LRRTM4: variants seen among roughly 807,000 people sequenced by gnomAD.
LRRTM4 encodes the protein leucine-rich repeat transmembrane neuronal protein 4.
Under a neutral mutation model 47.6 loss-of-function variants are expected in LRRTM4, and 25 were observed. The observed-to-expected ratio is 0.53, with a 90% CI of 0.38 to 0.73. LRRTM4 has a LOEUF of 0.73. LRRTM4 is among the 30% of genes least tolerant of loss of function. LRRTM4 has a pLI of 0.00. For missense variants in LRRTM4, 638 were observed against 713.4 expected (o/e 0.89, Z 1.20); for synonymous variants, 311 against 269.5 (o/e 1.15, Z -1.51).
At chr2:77,145,906 T>C (rs960195903) in intron 3 of LRRTM4, among the ~76,000 whole-genome samples, 5 of 152,152 alleles carry the variant, frequency 3.3e-5, no homozygotes, top group Non-Finnish European at 7.4e-5. Context: ...TCAAAGATTA[T>C]TATTCTTTCG....
intron 3 of LRRTM4, among the ~76,000 whole-genome samples, chr2:76,931,545 C>G (rs761971044): frequency 6.6e-6 from 1 of 152,112 alleles, no homozygotes; most frequent in Non-Finnish European, 1.5e-5. Flanking sequence ...CCACCACTTT[C>G]ATCACTCAGT....
At chr2:76,989,281 C>T (rs1676919155) in intron 3 of LRRTM4, among the ~76,000 whole-genome samples, 1 of 151,818 alleles carries the variant, frequency 6.6e-6, no homozygotes, top group East Asian at 1.9e-4. Context: ...GTTCAGCTTT[C>T]ATACTTCCCA....
chr2:77,385,741 CTTT>C (rs33978835), intron 3 of LRRTM4, among the ~76,000 whole-genome samples: 1,500 of 82,074 alleles, frequency 0.018, 10 homozygotes, highest in African/African-American at 0.07. Flanking sequence ...GTACATGGTA[CTTT>C]TTTTTTTTTT....
At chr2:77,369,447 A>C (rs1672575787) in intron 3 of LRRTM4, among the ~76,000 whole-genome samples, 1 of 151,732 alleles carries the variant, frequency 6.6e-6, no homozygotes, top group African/African-American at 2.4e-5. Flanking sequence ...TATGTAGGAT[A>C]AATAAGGCAA....
At chr2:76,993,125 A>G (rs1260271439) in intron 3 of LRRTM4, among the ~76,000 whole-genome samples, 1 of 151,896 alleles carries the variant, frequency 6.6e-6, no homozygotes, top group African/African-American at 2.4e-5. Context: ...ATAACTCAAG[A>G]TGGTCTAAAT....
chr2:77,207,275 T>G (rs1674154339), intron 3 of LRRTM4, among the ~76,000 whole-genome samples: 1 of 146,562 alleles, frequency 6.8e-6, no homozygotes, highest in South Asian at 2.1e-4. Flanking sequence ...TACACATATA[T>G]GTATATGTGT....
intron 3 of LRRTM4, among the ~76,000 whole-genome samples, chr2:76,962,123 A>G (rs573189987): frequency 2.6e-4 from 40 of 151,440 alleles, no homozygotes; most frequent in African/African-American, 8.4e-4. Flanking sequence ...GGCTTGGAGT[A>G]GTAAACTATA....
In LRRTM4 at chr2:76,930,110, T is replaced by C. The variant is rs1255189502; in HGVS notation, c.1552-181194A>G. 4.5e-4 allele frequency among the ~76,000 whole-genome samples: 68 copies of C among 152,108 alleles called. 1 individual carries two copies. Among genetic ancestry groups the C allele is most frequent in the Admixed American group, 4.5e-3 (68 of 15,254 alleles). On this transcript the variant is annotated intron_variant, in intron 3 of 3. Transcript: ENST00000409884. Reference sequence around the variant, plus strand: ...AGTTTCAGGCTCTGTGTACTAATGGTGTAATTTCTAACAGCCAATCCACAA... The same window carrying C: ...AGTTTCAGGCTCTGTGTACTAATGGCGTAATTTCTAACAGCCAATCCACAA...
chr2:76,994,837 A>G (rs183391878), intron 3 of LRRTM4, among the ~76,000 whole-genome samples: 3 of 152,106 alleles, frequency 2.0e-5, no homozygotes, highest in Admixed American at 1.3e-4. Context: ...TCACCCTACT[A>G]TCAACAATAA....
At chr2:77,242,179 A>G (rs541056841) in intron 3 of LRRTM4, among the ~76,000 whole-genome samples, 1 of 152,258 alleles carries the variant, frequency 6.6e-6, no homozygotes, top group South Asian at 2.1e-4. Context: ...GTAAAACAAA[A>G]TCATTGGAAT....
intron 3 of LRRTM4, among the ~76,000 whole-genome samples, chr2:77,150,773 A>T (rs1672396052): frequency 6.6e-6 from 1 of 152,132 alleles, no homozygotes; most frequent in African/African-American, 2.4e-5. Flanking sequence ...TGTTTATATT[A>T]TTAAAAATAA....
At chr2:77,368,527 C>G (rs1248469156) in intron 3 of LRRTM4, among the ~76,000 whole-genome samples, 2 of 151,786 alleles carry the variant, frequency 1.3e-5, no homozygotes, top group African/African-American at 4.8e-5. Flanking sequence ...TTCCTATTTA[C>G]AGATGAGGAA....
At chr2:76,823,223 A>T (rs938331504) in intron 3 of LRRTM4, among the ~76,000 whole-genome samples, 1 of 151,410 alleles carries the variant, frequency 6.6e-6, no homozygotes, top group Non-Finnish European at 1.5e-5. Flanking sequence ...TATTTTGAAT[A>T]AAAATTGAAG....
chr2:77,377,708 C>A (rs990792931), intron 3 of LRRTM4, among the ~76,000 whole-genome samples: 1 of 151,886 alleles, frequency 6.6e-6, no homozygotes, highest in Admixed American at 6.6e-5. Flanking sequence ...TTATAAAATC[C>A]TTTTCTGAAT....
intron 3 of LRRTM4, among the ~76,000 whole-genome samples, chr2:76,778,425 C>A (rs1318868584): frequency 8.2e-5 from 12 of 146,406 alleles, no homozygotes; most frequent in Non-Finnish European, 1.6e-4. Flanking sequence ...TTGATTATTG[C>A]CACAATTTCA....
chr2:77,059,106 C>T (rs1346265575), intron 3 of LRRTM4, among the ~76,000 whole-genome samples: 1 of 152,078 alleles, frequency 6.6e-6, no homozygotes, highest in African/African-American at 2.4e-5. Context: ...ATCTGCTAAA[C>T]TTGGCAATGG....
rs541958087 is a variant in LRRTM4 at position 77,287,174 on chromosome 2, C to A, written c.1551+231144G>T. The stretch of plus-strand genomic sequence containing the variant: ...TGCATAGGTAAGCCCGTGTAGGTTA[C>A]TGAGGAGACAAGCAGAACAGGAGGG... On this transcript the variant is annotated intron_variant, in intron 3 of 3. Transcript: ENST00000409884. Among the ~76,000 whole-genome samples, 3 of 151,952 alleles carry A rather than the reference C, an allele frequency of 2.0e-5. No individual in the cohort carries two copies. The South Asian group carries it at 6.2e-4, about 32-fold the overall frequency.
At chr2:76,759,397 G>T (rs1307448543) in intron 3 of LRRTM4, among the ~76,000 whole-genome samples, 1 of 152,104 alleles carries the variant, frequency 6.6e-6, no homozygotes, top group Non-Finnish European at 1.5e-5. Context: ...ACCTTCAGTT[G>T]GGAGTGCTGA....
intron 3 of LRRTM4, among the ~76,000 whole-genome samples, chr2:76,829,051 A>G (rs1393939215): frequency 1.3e-5 from 2 of 151,928 alleles, no homozygotes; most frequent in Non-Finnish European, 2.9e-5. Context: ...TATGGAACCA[A>G]GGGAATGTCC....
Sources: allele counts gnomAD v4.1 joint callset (sites outside exome capture counted in the v4.1 genomes callset), GRCh38; gene constraint gnomAD v4.1.1; transcripts MANE v1.5; gene names NCBI Gene and HGNC (gene_info 2026-07-23, HGNC 2026-07-21).